Variants in ATF3 observed in about 807,000 individuals in gnomAD.
ATF3 encodes the protein activating transcription factor 3.
ATF3 carries 10 observed loss-of-function variants against 18.4 expected under a neutral mutation model. The ratio of observed to expected loss-of-function variants is 0.54; its 90% confidence interval spans 0.34 to 0.92. The LOEUF is 0.92. ATF3 is among the 40% of genes least tolerant of loss of function. The pLI, the probability that ATF3 is intolerant of heterozygous loss-of-function variation, is 0.02. For missense variants in ATF3, 183 were observed against 222.3 expected, an observed-to-expected ratio of 0.82 and a Z score of 1.12; for synonymous variants, 78 against 87.9, an observed-to-expected ratio of 0.89 and a Z score of 0.63.
At chr1:212,598,411 C>A (rs984047365) in intron 1 of ATF3, among the ~76,000 whole-genome samples, 4 of 152,126 alleles carry the variant, frequency 2.6e-5, no homozygotes, top group Non-Finnish European at 4.4e-5. Context: ...ATGGAATAAT[C>A]ACATCTTGGG....
intron 1 of ATF3, among the ~76,000 whole-genome samples, chr1:212,573,538 T>A (rs1032393502): frequency 2.6e-5 from 4 of 152,040 alleles, no homozygotes; most frequent in Non-Finnish European, 4.4e-5. Flanking sequence ...TATTATCTTC[T>A]TTTTTTGAGC....
chr1:212,575,413 G>A (rs561833394), intron 1 of ATF3, among the ~76,000 whole-genome samples: 1 of 152,164 alleles, frequency 6.6e-6, no homozygotes, highest in South Asian at 2.1e-4. Flanking sequence ...TTGCTGGACA[G>A]TTTTTAGTTC....
chr1:212,589,164 G>A (rs962743248), intron 1 of ATF3, among the ~76,000 whole-genome samples: 1 of 152,038 alleles, frequency 6.6e-6, no homozygotes, highest in African/African-American at 2.4e-5. Flanking sequence ...AGCACACTCG[G>A]CATCACAGCA....
At chr1:212,565,951 T>C (rs1664375436) in intron 1 of ATF3, among the ~76,000 whole-genome samples, 1 of 152,216 alleles carries the variant, frequency 6.6e-6, no homozygotes, top group Non-Finnish European at 1.5e-5. Flanking sequence ...TTGACATTCC[T>C]GCCTGTTCTG....
intron 1 of ATF3, 95 bp from the exon 2 acceptor site, chr1:212,614,923 G>C: frequency 6.2e-7 from 1 of 1,608,088 alleles, no homozygotes; most frequent in Non-Finnish European, 8.5e-7. Context: ...TTCTCTGAGG[G>C]TGGGGCTCTG....
In ATF3 at chr1:212,619,078, C is replaced by T. The variant is rs764050940; in HGVS notation, c.349-280C>T. On this transcript the variant is annotated intron_variant, in intron 3 of 3. Coordinates refer to ENST00000341491, the MANE Select transcript of ATF3 (RefSeq NM_001674.4). This position sits in a 1 kb window ranked among gnomAD's most constrained non-coding sequence, Gnocchi z 4.4. ...GGCCCTTTTGGGTCCAGAAGACCTG[C>T]ATATGGGCTGTTGACTCATGCAAAT... 4 of 1,614,204 alleles carry T rather than the reference C, an allele frequency of 2.5e-6. No individual in the cohort carries two copies. Among genetic ancestry groups the T allele is most frequent in the Non-Finnish European group, 3.4e-6 (4 of 1,180,042 alleles).
chr1:212,605,289 T>C (rs1016270020), upstream of ATF3, among the ~76,000 whole-genome samples: 2 of 152,258 alleles, frequency 1.3e-5, no homozygotes, highest in Non-Finnish European at 2.9e-5. Flanking sequence ...TACTGTGTGA[T>C]GCTGCCCCTG....
chr1:212,590,356 T>A (rs1220766016), intron 1 of ATF3, among the ~76,000 whole-genome samples: 1 of 152,144 alleles, frequency 6.6e-6, no homozygotes, highest in Non-Finnish European at 1.5e-5. Flanking sequence ...AATCTTTCAT[T>A]GTATTGTGAT....
At chr1:212,617,009 G>A (rs915858759) in intron 2 of ATF3, among the ~76,000 whole-genome samples, 1 of 152,112 alleles carries the variant, frequency 6.6e-6, no homozygotes, top group Non-Finnish European at 1.5e-5. Flanking sequence ...GAGTTCAGAG[G>A]ACAGTCTGGG....
chr1:212,615,319 G>C, intron 2 of ATF3, 58 bp downstream of exon 2: 1 of 1,575,022 alleles, frequency 6.3e-7, no homozygotes, highest in East Asian at 2.3e-5. Context: ...CAGCCACTGT[G>C]TGTTGGGCAT....
chr1:212,584,269 T>C (rs892121347), intron 1 of ATF3, among the ~76,000 whole-genome samples: 3 of 152,142 alleles, frequency 2.0e-5, no homozygotes, highest in Admixed American at 6.5e-5. Flanking sequence ...TGTTACTCCC[T>C]GTGTTAGTCA....
intron 1 of ATF3, among the ~76,000 whole-genome samples, chr1:212,586,965 G>T (rs151117786): frequency 6.6e-6 from 1 of 152,152 alleles, no homozygotes; most frequent in African/African-American, 2.4e-5. Flanking sequence ...TGGGCCCTCC[G>T]CAGGGCAGAG....
At chr1:212,574,296 T>A (rs1453968962) in intron 1 of ATF3, among the ~76,000 whole-genome samples, 1 of 151,988 alleles carries the variant, frequency 6.6e-6, no homozygotes, top group Non-Finnish European at 1.5e-5. Context: ...TATGTTCTTA[T>A]ACTTTAATTT....
At chr1:212,571,487 A>G (rs1664480213) in intron 1 of ATF3, among the ~76,000 whole-genome samples, 1 of 151,970 alleles carries the variant, frequency 6.6e-6, no homozygotes, top group African/African-American at 2.4e-5. Flanking sequence ...AGCTTACTGC[A>G]ACCTCCGCCT....
chr1:212,589,302 C>A lies in ATF3; in HGVS notation c.-5+23819C>A, dbSNP rs78527885. 2.9e-3 allele frequency among the ~76,000 whole-genome samples: 444 copies of A among 152,254 alleles called. 19 individuals are homozygous for A. In the East Asian group the frequency reaches 0.072, roughly 25 times the overall value. On this transcript the variant is annotated intron_variant, in intron 1 of 3. Coordinates refer to the ATF3 transcript ENST00000366981. Reference sequence around the variant, plus strand: ...AGAGCTCATTGTAAATGTTTTCATTCTTGATGCAAAATTAAAGGTACAAAT... The same window carrying A: ...AGAGCTCATTGTAAATGTTTTCATTATTGATGCAAAATTAAAGGTACAAAT...
chr1:212,618,012 T>G lies in ATF3; in HGVS notation c.241-115T>G. The G allele has an allele frequency of 5.3e-5, 51 of 967,512 alleles. No individual in the cohort carries two copies. The highest frequency in any genetic ancestry group is 8.0e-5 in the Non-Finnish European group (50 of 624,168). 59.9% of individuals were successfully genotyped at this position (967,512 alleles called of 1,614,324 possible). A position where few individuals can be genotyped will look rare whatever the true frequency, so the allele number is the denominator to read the frequency against. On this transcript the variant is annotated intron_variant, in intron 2 of 3. Transcript: ENST00000341491. The surrounding 1 kb of genome is among the most constrained non-coding windows in gnomAD (Gnocchi z 4.4). Reference sequence around the variant, plus strand: ...CTAGAGCTTTAGTATTTCGGGGTCTTTTAGCGCTAGCATTGCCCTTGTCTG... The same window carrying G: ...CTAGAGCTTTAGTATTTCGGGGTCTGTTAGCGCTAGCATTGCCCTTGTCTG...
At chr1:212,593,515 G>T (rs1215683528) in intron 1 of ATF3, among the ~76,000 whole-genome samples, 1 of 151,950 alleles carries the variant, frequency 6.6e-6, no homozygotes, top group Admixed American at 6.6e-5. Flanking sequence ...TGGGAGGGTG[G>T]CTTGAGCCCA....
chr1:212,615,964 G>C (rs1404433411), intron 2 of ATF3, among the ~76,000 whole-genome samples: 3 of 151,568 alleles, frequency 2.0e-5, no homozygotes, highest in Non-Finnish European at 1.5e-5. Flanking sequence ...CGGGGTTGCT[G>C]TTTTAAATTA....
intron 1 of ATF3, among the ~76,000 whole-genome samples, chr1:212,578,575 A>T (rs1322149103): frequency 6.6e-6 from 1 of 151,994 alleles, no homozygotes; most frequent in African/African-American, 2.4e-5. Context: ...TATACTAATC[A>T]TTTCTGAGGT....
Sources: allele counts gnomAD v4.1 joint callset (sites outside exome capture counted in the v4.1 genomes callset), GRCh38; gene constraint gnomAD v4.1.1; non-coding constraint Gnocchi (gnomAD v3.1); transcripts MANE v1.5; gene names NCBI Gene and HGNC (gene_info 2026-07-23, HGNC 2026-07-21).